INPP4B: variants seen among roughly 807,000 people sequenced by gnomAD.
INPP4B encodes the protein inositol polyphosphate 4-phosphatase type II.
Under a neutral mutation model 122.5 loss-of-function variants are expected in INPP4B, and 55 were observed. The ratio of observed to expected loss-of-function variants is 0.45; its 90% CI spans 0.36 to 0.56. The LOEUF (loss-of-function observed/expected upper bound fraction) is 0.56, where lower values mean the gene tolerates loss of function less well. Ranked by LOEUF, INPP4B falls within the 20% of genes least tolerant of loss-of-function variation. The probability of loss-of-function intolerance (pLI) is 0.00; values close to 1 mark genes in which losing one functional copy is unlikely to be tolerated. For missense variants in INPP4B, 1,000 were observed against 1,097.7 expected (o/e 0.91, Z 1.26); for synonymous variants, 403 against 388.7 (o/e 1.04, Z -0.43).
intron 1 of INPP4B, among the ~76,000 whole-genome samples, chr4:142,836,778 C>T (rs1581027281): frequency 6.7e-6 from 1 of 148,520 alleles, no homozygotes; most frequent in South Asian, 2.2e-4. Context: ...TCCATAAACA[C>T]ATTTTCAACT....
chr4:142,357,404 A>G lies in INPP4B; in HGVS notation c.373-42642T>C, dbSNP rs574257060. On this transcript the variant is annotated intron_variant, in intron 7 of 25. Coordinates refer to ENST00000262992, the MANE Select transcript of INPP4B (RefSeq NM_001101669.3). The stretch of plus-strand genomic sequence containing the variant: ...CCACAGGGATTGGGAGAATTGTTTG[A>G]TGTGGAAAACCCACACATCTGGTCA... Among the ~76,000 whole-genome samples the G allele has an allele frequency of 3.3e-5, 5 of 152,134 alleles. No individual in the cohort carries two copies. The South Asian group carries it at 1.0e-3, about 31-fold the overall frequency.
At position 142,173,669 on chromosome 4, in the gene INPP4B, T is replaced by A. The variant is rs749810647; in HGVS notation, c.1322A>T (p.Asp441Val). Residue 441 changes from aspartate (D) to valine (V), a missense_variant, in exon 16 of 26, where the codon GAC becomes GTC. Transcript: ENST00000262992. The part of the protein sequence containing the change: ...LLNSASQHSP[D>V]SLKNSLKMLS... ...CATCTTTAAAGAATTCTTCAAGCTG[T>A]CTGGAGAATGCTGGCTTGCAGAATT... The A allele has an allele frequency of 6.2e-7, 1 of 1,613,052 alleles. No homozygotes were observed. The highest frequency in any genetic ancestry group is 1.1e-5 in the South Asian group (1 of 91,004).
intron 9 of INPP4B, among the ~76,000 whole-genome samples, chr4:142,285,256 G>T (rs1359883993): frequency 6.6e-6 from 1 of 151,970 alleles, no homozygotes; most frequent in Non-Finnish European, 1.5e-5. Context: ...GCTAAGAAAA[G>T]GGCACCCCTG....
intron 2 of INPP4B, among the ~76,000 whole-genome samples, chr4:142,634,272 CCT>C (rs1354441862): frequency 1.3e-5 from 2 of 152,074 alleles, no homozygotes; most frequent in South Asian, 4.1e-4. Context: ...ACAAAATACA[CCT>C]CTTTCACAAA....
intron 2 of INPP4B, among the ~76,000 whole-genome samples, chr4:142,643,820 G>T (rs191329033): frequency 1.3e-5 from 2 of 152,256 alleles, no homozygotes; most frequent in Admixed American, 1.3e-4. Flanking sequence ...GGTGCTGAAT[G>T]GCATTTTTCC....
At chr4:142,671,165 T>C (rs1341621812) in intron 2 of INPP4B, among the ~76,000 whole-genome samples, 2 of 152,112 alleles carry the variant, frequency 1.3e-5, no homozygotes, top group Non-Finnish European at 2.9e-5. Flanking sequence ...GCTTGTCATA[T>C]GGAAAATCAG....
In INPP4B at chr4:142,383,585, TAACTC is replaced by T. The variant is rs1175762579; in HGVS notation, c.372+19348_372+19352del. On this transcript the variant is annotated intron_variant, in intron 7 of 25. Coordinates refer to ENST00000262992, the MANE Select transcript of INPP4B (RefSeq NM_001101669.3). ...CTCAAAGTAGATCTGCCTTGCAACT[TAACTC>T]AACCACTCCTCTCAATAGTATCCCA... Among the ~76,000 whole-genome samples the T allele has an allele frequency of 3.3e-5, 5 of 152,176 alleles. No individual in the cohort carries two copies. The East Asian group carries it at 5.8e-4, about 18-fold the overall frequency.
At chr4:142,826,496 T>TCACACA (rs34633285) in intron 1 of INPP4B, among the ~76,000 whole-genome samples, 7 of 149,070 alleles carry the variant, frequency 4.7e-5, no homozygotes, top group South Asian at 4.2e-4. Flanking sequence ...GTTCATAAAA[T>TCACACA]CACACACACA....
At chr4:142,173,879 G>T in intron 15 of INPP4B, 70 bp from the exon 16 acceptor site, 1 of 1,214,076 alleles carries the variant, frequency 8.2e-7, no homozygotes, top group Non-Finnish European at 1.2e-6. Context: ...ATATCAGATG[G>T]CAAATGATAA....
chr4:142,190,782 G>T (rs1301822799), intron 15 of INPP4B, among the ~76,000 whole-genome samples: 1 of 151,646 alleles, frequency 6.6e-6, no homozygotes, highest in East Asian at 1.9e-4. Flanking sequence ...CCAGTGAAAA[G>T]TGAAGAAAAA....
chr4:142,277,214 C>G (rs1429143871), intron 9 of INPP4B, among the ~76,000 whole-genome samples: 1 of 145,324 alleles, frequency 6.9e-6, no homozygotes, highest in Non-Finnish European at 1.5e-5. Context: ...GTTTGAGTTT[C>G]TTCTGGATTT....
At chr4:142,167,994 G>A (rs1351801914) in intron 16 of INPP4B, among the ~76,000 whole-genome samples, 4 of 151,094 alleles carry the variant, frequency 2.6e-5, no homozygotes, top group Admixed American at 6.6e-5. Context: ...GTAGCTTGAG[G>A]ATGTGACTTT....
chr4:142,563,944 A>G (rs1402852970), intron 2 of INPP4B, among the ~76,000 whole-genome samples: 2 of 152,146 alleles, frequency 1.3e-5, no homozygotes, highest in Non-Finnish European at 2.9e-5. Flanking sequence ...GGTTAGTCCA[A>G]TTGTATCAAC....
chr4:142,250,605 C>A (rs1420714461), intron 11 of INPP4B, among the ~76,000 whole-genome samples: 1 of 152,146 alleles, frequency 6.6e-6, no homozygotes, highest in Non-Finnish European at 1.5e-5. Flanking sequence ...TCTATATCTG[C>A]ACAATGCACC....
intron 3 of INPP4B, among the ~76,000 whole-genome samples, chr4:142,437,097 A>T (rs1447380151): frequency 5.3e-5 from 8 of 152,048 alleles, no homozygotes; most frequent in Admixed American, 5.2e-4. Flanking sequence ...AACACAGCAC[A>T]AGAACTTTGT....
intron 2 of INPP4B, among the ~76,000 whole-genome samples, chr4:142,604,351 T>C (rs1740740463): frequency 6.6e-6 from 1 of 152,014 alleles, no homozygotes; most frequent in Non-Finnish European, 1.5e-5. Context: ...TACTCCTATT[T>C]ATCATAATAC....
At chr4:142,152,376 T>C (rs1268400783) in intron 17 of INPP4B, among the ~76,000 whole-genome samples, 2 of 151,798 alleles carry the variant, frequency 1.3e-5, no homozygotes, top group Non-Finnish European at 2.9e-5. Flanking sequence ...CACCCGGCAC[T>C]TTTTTTTCTT....
chr4:142,574,713 CA>C (rs1385396915), intron 2 of INPP4B, among the ~76,000 whole-genome samples: 2 of 152,104 alleles, frequency 1.3e-5, no homozygotes, highest in Non-Finnish European at 2.9e-5. Context: ...AAGAATTCAG[CA>C]AGTTTTCTCA....
intron 3 of INPP4B, among the ~76,000 whole-genome samples, chr4:142,448,346 A>AC (rs1467840763): frequency 6.6e-6 from 1 of 151,738 alleles, no homozygotes; most frequent in Non-Finnish European, 1.5e-5. Flanking sequence ...AAAAAAAAAA[A>AC]AAAAAAACAC....
Sources: allele counts gnomAD v4.1 joint callset (sites outside exome capture counted in the v4.1 genomes callset), GRCh38; gene constraint gnomAD v4.1.1; transcripts MANE v1.5; gene names NCBI Gene and HGNC (gene_info 2026-07-23, HGNC 2026-07-21).